Variants in RUNX2 observed in about 807,000 individuals in gnomAD.
The protein encoded by RUNX2 is RUNX family transcription factor 2.
RUNX2 carries 10 observed loss-of-function variants against 51.7 expected under a neutral mutation model. That is an observed-to-expected ratio of 0.19 (90% CI 0.12 to 0.33). RUNX2 has a LOEUF of 0.33. RUNX2 is among the 10% of genes least tolerant of loss of function. The pLI is 1.00. For missense variants in RUNX2, 562 were observed against 691.3 expected, an observed-to-expected ratio of 0.81 and a Z score of 2.10; for synonymous variants, 276 against 273.6, an observed-to-expected ratio of 1.01 and a Z score of -0.09.
intron 2 of RUNX2, among the ~76,000 whole-genome samples, chr6:45,389,817 C>G (rs948046846): frequency 6.6e-6 from 1 of 152,080 alleles, no homozygotes; most frequent in Admixed American, 6.6e-5. Context: ...AGAGACCAGC[C>G]TGGCCAGCAT....
intron 5 of RUNX2, among the ~76,000 whole-genome samples, chr6:45,477,992 C>T (rs558890308): frequency 6.6e-6 from 1 of 152,230 alleles, no homozygotes; most frequent in East Asian, 1.9e-4. Context: ...TCACTCTATA[C>T]TTTCTCATCT....
chr6:45,355,089 C>G (rs983725150), intron 2 of RUNX2, among the ~76,000 whole-genome samples: 5 of 151,704 alleles, frequency 3.3e-5, no homozygotes, highest in Non-Finnish European at 5.9e-5. Context: ...ATCCTTCCAC[C>G]TCAGCCTCCC....
At chr6:45,415,743 C>A (rs1434072818) in intron 2 of RUNX2, among the ~76,000 whole-genome samples, 1 of 152,048 alleles carries the variant, frequency 6.6e-6, no homozygotes, top group Non-Finnish European at 1.5e-5. Context: ...CAATGTCTTT[C>A]TAACGTCCCC....
chr6:45,365,655 A>G (rs1397437171), intron 2 of RUNX2, among the ~76,000 whole-genome samples: 1 of 147,904 alleles, frequency 6.8e-6, no homozygotes, highest in African/African-American at 2.5e-5. Context: ...GCAATGCTTC[A>G]GGGCATTCTA....
chr6:45,426,678 G>A (rs1798391038), intron 3 of RUNX2, among the ~76,000 whole-genome samples: 1 of 152,194 alleles, frequency 6.6e-6, no homozygotes, highest in Admixed American at 6.5e-5. Flanking sequence ...TTTTCTGGCA[G>A]TGTTAAAGAA....
At chr6:45,437,358 T>C (rs1297994675) in intron 4 of RUNX2, among the ~76,000 whole-genome samples, 2 of 152,150 alleles carry the variant, frequency 1.3e-5, no homozygotes, top group Admixed American at 1.3e-4. Flanking sequence ...AAAAACTTTG[T>C]TCCAGTAATG....
chr6:45,434,041 G>A (rs986705529), intron 4 of RUNX2, among the ~76,000 whole-genome samples: 1 of 152,096 alleles, frequency 6.6e-6, no homozygotes, highest in African/African-American at 2.4e-5. Context: ...ACTTAGATGG[G>A]GGGTAGGGGG....
chr6:45,427,360 A>G (rs1233469074), intron 3 of RUNX2, among the ~76,000 whole-genome samples: 3 of 152,106 alleles, frequency 2.0e-5, no homozygotes, highest in African/African-American at 7.2e-5. Flanking sequence ...GCTGCTTTAC[A>G]TTGAAATAAT....
chr6:45,340,570 C>T (rs150815691), intron 2 of RUNX2, among the ~76,000 whole-genome samples: 2,668 of 152,166 alleles, frequency 0.018, 49 homozygotes, highest in South Asian at 0.085. Flanking sequence ...GCGATCCTCC[C>T]ACCTCAGTCT....
chr6:45,521,655 C>A (rs941307031), intron 7 of RUNX2, among the ~76,000 whole-genome samples: 5 of 152,142 alleles, frequency 3.3e-5, no homozygotes, highest in African/African-American at 1.2e-4. Flanking sequence ...TGACAGCTAT[C>A]ATTTCTCATA....
chr6:45,431,588 G>A (rs1341934833), intron 3 of RUNX2, among the ~76,000 whole-genome samples: 1 of 152,154 alleles, frequency 6.6e-6, no homozygotes, highest in Non-Finnish European at 1.5e-5. Flanking sequence ...AGCTTAACAT[G>A]GGGATTTAAT....
intron 2 of RUNX2, among the ~76,000 whole-genome samples, chr6:45,330,998 A>AGTAT (rs1562965239): frequency 6.6e-6 from 1 of 152,036 alleles, no homozygotes; most frequent in African/African-American, 2.4e-5. Flanking sequence ...AAATGTCTTA[A>AGTAT]GTATGTGCCC....
chr6:45,506,247 A>C (rs997873293), intron 6 of RUNX2, among the ~76,000 whole-genome samples: 3 of 152,098 alleles, frequency 2.0e-5, no homozygotes, highest in African/African-American at 7.2e-5. Context: ...TCTCGCATGT[A>C]GTCATTTTGA....
intron 2 of RUNX2, among the ~76,000 whole-genome samples, chr6:45,413,231 G>C (rs918564733): frequency 1.3e-5 from 2 of 152,080 alleles, no homozygotes; most frequent in Non-Finnish European, 2.9e-5. Context: ...AAAACAGACG[G>C]AAACAACAAA....
chr6:45,357,646 A>T (rs1251077297), intron 2 of RUNX2, among the ~76,000 whole-genome samples: 1 of 152,146 alleles, frequency 6.6e-6, no homozygotes, highest in African/African-American at 2.4e-5. Flanking sequence ...CTAAAGATTA[A>T]TTTTGAAGCT....
chr6:45,454,541 G>A (rs1048260442), intron 5 of RUNX2, among the ~76,000 whole-genome samples: 3 of 152,154 alleles, frequency 2.0e-5, no homozygotes, highest in East Asian at 3.9e-4. Flanking sequence ...TTATGGGGAA[G>A]GGAGAAATCC....
intron 2 of RUNX2, among the ~76,000 whole-genome samples, chr6:45,414,151 C>T (rs1321905333): frequency 6.6e-6 from 1 of 152,146 alleles, no homozygotes; most frequent in African/African-American, 2.4e-5. Flanking sequence ...ATTCAACTCT[C>T]CTTTTTAGAT....
In RUNX2 at chr6:45,393,578, C is replaced by T. The variant is rs548455362; in HGVS notation, c.59-29015C>T. Among the ~76,000 whole-genome samples, 14 of 152,018 alleles carry T rather than the reference C, an allele frequency of 9.2e-5. No homozygotes were observed. The South Asian group carries it at 1.0e-3, about 11-fold the overall frequency. On this transcript the variant is annotated intron_variant, in intron 2 of 8. Coordinates refer to ENST00000647337, the MANE Select transcript of RUNX2 (RefSeq NM_001024630.4). ...CCGAATAGCTGGGACTGCAGGCGCC[C>T]GCCACCACCCCGGCTAATTTTTCGT...
At chr6:45,422,485 G>T in intron 2 of RUNX2, 108 bp from the exon 3 acceptor site, 1 of 509,284 alleles carries the variant, frequency 2.0e-6, no homozygotes, top group Admixed American at 6.9e-5. Flanking sequence ...CTTTCCCCCC[G>T]TCTCGCCTTC....
Sources: allele counts gnomAD v4.1 joint callset (sites outside exome capture counted in the v4.1 genomes callset), GRCh38; gene constraint gnomAD v4.1.1; transcripts MANE v1.5; gene names NCBI Gene and HGNC (gene_info 2026-07-23, HGNC 2026-07-21).